EYS: variants seen among roughly 807,000 people sequenced by gnomAD.
EYS encodes protein eyes shut homolog.
Under a neutral mutation model 282.1 loss-of-function variants are expected in EYS, and 250 were observed. That is an observed-to-expected ratio of 0.89 (90% CI 0.80 to 0.98). The LOEUF (loss-of-function observed/expected upper bound fraction) is 0.98. EYS is among the 50% of genes least tolerant of loss of function. EYS has a pLI of 0.00. For synonymous variants in EYS, 1,355 were observed against 1,282.9 expected (o/e 1.06, Z -1.20); for missense variants, 4,016 against 3,709.0 (o/e 1.08, Z -2.15).
intron 12 of EYS, among the ~76,000 whole-genome samples, chr6:65,061,544 A>ATT (rs1773573693): frequency 6.6e-6 from 1 of 151,928 alleles, no homozygotes; most frequent in Admixed American, 6.6e-5. Flanking sequence ...ATTGACTATC[A>ATT]GACACTTCAT....
intron 33 of EYS, among the ~76,000 whole-genome samples, chr6:64,038,093 A>G (rs1231809906): frequency 6.6e-6 from 1 of 152,108 alleles, no homozygotes; most frequent in African/African-American, 2.4e-5. Context: ...TTTCTTTTAT[A>G]AAAATAAAGA....
At chr6:65,489,164 A>G (rs1765927971) in intron 5 of EYS, among the ~76,000 whole-genome samples, 1 of 152,216 alleles carries the variant, frequency 6.6e-6, no homozygotes, top group Non-Finnish European at 1.5e-5. Flanking sequence ...ACACAGCAAA[A>G]GAAATTGTCA....
At chr6:65,259,389 G>A (rs1767558136) in intron 12 of EYS, among the ~76,000 whole-genome samples, 1 of 151,984 alleles carries the variant, frequency 6.6e-6, no homozygotes, top group South Asian at 2.1e-4. Flanking sequence ...CTGTAACCCA[G>A]AACCAAATGT....
At chr6:64,940,359 T>G (rs975049911) in intron 15 of EYS, among the ~76,000 whole-genome samples, 3 of 151,976 alleles carry the variant, frequency 2.0e-5, no homozygotes, top group African/African-American at 7.2e-5. Context: ...CAAGTTATCT[T>G]AAGAAATTAT....
chr6:63,757,110 T>G (rs2149652364), intron 41 of EYS, among the ~76,000 whole-genome samples: 1 of 152,278 alleles, frequency 6.6e-6, no homozygotes, highest in South Asian at 2.1e-4. Flanking sequence ...CATATTTTTC[T>G]TCTTGCAGAG....
intron 35 of EYS, among the ~76,000 whole-genome samples, chr6:63,959,890 G>A (rs983654979): frequency 1.6e-4 from 25 of 152,046 alleles, no homozygotes; most frequent in Admixed American, 1.4e-3. Flanking sequence ...GAAAGCATTA[G>A]GACAAATAGC....
At chr6:65,158,430 T>C (rs1356388847) in intron 12 of EYS, among the ~76,000 whole-genome samples, 1 of 150,914 alleles carries the variant, frequency 6.6e-6, no homozygotes, top group Non-Finnish European at 1.5e-5. Context: ...TAATGCCCAG[T>C]AACATTCTTT....
chr6:65,654,388 T>C (rs1767749544), intron 1 of EYS, among the ~76,000 whole-genome samples: 1 of 151,830 alleles, frequency 6.6e-6, no homozygotes, highest in Non-Finnish European at 1.5e-5. Context: ...AACACAACTC[T>C]TGGGCGTGGA....
chr6:64,748,766 A>T (rs994508565), intron 22 of EYS, among the ~76,000 whole-genome samples: 4 of 152,118 alleles, frequency 2.6e-5, no homozygotes, highest in African/African-American at 4.8e-5. Flanking sequence ...ACTATTTAAA[A>T]TTTTTTAATT....
intron 28 of EYS, among the ~76,000 whole-genome samples, chr6:64,398,199 A>T (rs952757836): frequency 6.6e-6 from 1 of 151,966 alleles, no homozygotes; most frequent in Non-Finnish European, 1.5e-5. Flanking sequence ...TATTATTTAC[A>T]TGCTTACCAC....
intron 26 of EYS, among the ~76,000 whole-genome samples, chr6:64,524,773 G>T (rs924495143): frequency 6.6e-6 from 1 of 151,642 alleles, no homozygotes; most frequent in Non-Finnish European, 1.5e-5. Flanking sequence ...AAGATCAGAT[G>T]GTTGCAAGTG....
intron 19 of EYS, among the ~76,000 whole-genome samples, chr6:64,857,736 G>C (rs941125521): frequency 6.6e-6 from 1 of 152,044 alleles, no homozygotes; most frequent in African/African-American, 2.4e-5. Flanking sequence ...ATTTACATGA[G>C]TTCCCTTTTT....
intron 2 of EYS, among the ~76,000 whole-genome samples, chr6:65,519,708 A>ATATATATATATATATATTTTTT (rs1554205854): frequency 2.3e-5 from 1 of 42,562 alleles, no homozygotes; most frequent in African/African-American, 1.3e-4. Context: ...ATATATATAT[A>ATATATATATATATATATTTTTT]TTTTTTTTTT....
At chr6:63,806,913 T>TA (rs1375853314) in intron 36 of EYS, 2 of 152,188 alleles carry the variant, frequency 1.3e-5, no homozygotes, top group Non-Finnish European at 2.9e-5. Flanking sequence ...TTTCTTTAAG[T>TA]AAAAATAATT....
intron 5 of EYS, among the ~76,000 whole-genome samples, chr6:65,414,642 A>T (rs973032301): frequency 1.3e-5 from 2 of 152,128 alleles, no homozygotes; most frequent in Non-Finnish European, 2.9e-5. Flanking sequence ...AAGGAAAAAG[A>T]ATTTAAGGGA....
At chr6:63,827,707 T>G (rs1247441965) in intron 36 of EYS, among the ~76,000 whole-genome samples, 3 of 151,558 alleles carry the variant, frequency 2.0e-5, no homozygotes, top group Admixed American at 2.0e-4. Flanking sequence ...AGCCGGGCGC[T>G]GTGGCGGGCG....
chr6:65,182,566 T>G (rs1765417107), intron 12 of EYS, among the ~76,000 whole-genome samples: 1 of 151,926 alleles, frequency 6.6e-6, no homozygotes, highest in South Asian at 2.1e-4. Context: ...TGTTTTGTAT[T>G]TCCTTGACAT....
chr6:65,236,951 G>A (rs1766942692), intron 12 of EYS, among the ~76,000 whole-genome samples: 1 of 152,110 alleles, frequency 6.6e-6, no homozygotes, highest in African/African-American at 2.4e-5. Flanking sequence ...AAATTAAAAT[G>A]AATATACTGA....
At chr6:64,150,927 T>A (rs1774681813) in intron 31 of EYS, among the ~76,000 whole-genome samples, 1 of 152,174 alleles carries the variant, frequency 6.6e-6, no homozygotes, top group Non-Finnish European at 1.5e-5. Context: ...CTTGTCATCT[T>A]CATACTTTTT....
Sources: allele counts gnomAD v4.1 joint callset (sites outside exome capture counted in the v4.1 genomes callset), GRCh38; gene constraint gnomAD v4.1.1; transcripts MANE v1.5; gene names NCBI Gene and HGNC (gene_info 2026-07-23, HGNC 2026-07-21).